LPAR1: variants seen among roughly 807,000 people sequenced by gnomAD.
The protein encoded by LPAR1 is LPA receptor 1.
Under a neutral mutation model 23.8 loss-of-function variants are expected in LPAR1, and 5 were observed. The observed-to-expected ratio is 0.21, with a 90% CI of 0.11 to 0.44. The LOEUF (loss-of-function observed/expected upper bound fraction) is 0.44, where lower values mean the gene tolerates loss of function less well. LPAR1 is among the 20% of genes least tolerant of loss of function. The probability of loss-of-function intolerance (pLI) is 0.99; values close to 1 mark genes in which losing one functional copy is unlikely to be tolerated. For missense variants in LPAR1, 311 were observed against 482.8 expected (o/e 0.64, Z 3.33); for synonymous variants, 160 against 164.7 (o/e 0.97, Z 0.22).
chr9:110,999,518 A>G (rs2097089864), intron 2 of LPAR1: 1 of 442,154 alleles, frequency 2.3e-6, no homozygotes, highest in African/African-American at 2.0e-5. Flanking sequence ...GCTGCTATGA[A>G]AGCTACCACA....
chr9:110,927,115 C>G (rs1011597549), intron 5 of LPAR1, among the ~76,000 whole-genome samples: 1 of 152,114 alleles, frequency 6.6e-6, no homozygotes, highest in Admixed American at 6.6e-5. Context: ...AAGAAGTTGT[C>G]GTAAAGGTTA....
intron 2 of LPAR1, among the ~76,000 whole-genome samples, chr9:111,013,663 C>G (rs999829279): frequency 6.6e-6 from 1 of 152,044 alleles, no homozygotes; most frequent in Non-Finnish European, 1.5e-5. Flanking sequence ...TCAGATTGCT[C>G]TATTCTGATT....
At chr9:110,878,075 C>T (rs1238482341) in intron 5 of LPAR1, among the ~76,000 whole-genome samples, 1 of 152,184 alleles carries the variant, frequency 6.6e-6, no homozygotes, top group African/African-American at 2.4e-5. Context: ...TGTATGGATG[C>T]TTCATTGAGG....
intron 2 of LPAR1, among the ~76,000 whole-genome samples, chr9:111,027,238 C>T (rs974559016): frequency 1.3e-5 from 2 of 152,072 alleles, no homozygotes; most frequent in African/African-American, 2.4e-5. Flanking sequence ...CCAGGTGCGG[C>T]GTTCATGCCT....
intron 2 of LPAR1, among the ~76,000 whole-genome samples, chr9:111,009,587 G>A (rs2097287860): frequency 6.6e-6 from 1 of 151,986 alleles, no homozygotes; most frequent in African/African-American, 2.4e-5. Context: ...AAATATTTCA[G>A]TCCATTTTTT....
chr9:110,921,760 G>C (rs2093643669), intron 5 of LPAR1, among the ~76,000 whole-genome samples: 1 of 152,178 alleles, frequency 6.6e-6, no homozygotes, highest in South Asian at 2.1e-4. Flanking sequence ...TAGGAGACCT[G>C]ATGTGGAGGA....
intron 5 of LPAR1, among the ~76,000 whole-genome samples, chr9:110,912,566 T>C (rs1054949505): frequency 2.0e-5 from 3 of 152,196 alleles, no homozygotes; most frequent in Non-Finnish European, 2.9e-5. Flanking sequence ...TTTCAGACAT[T>C]CGTCATTCTG....
At chr9:110,877,962 GA>G (rs2079561942) in intron 5 of LPAR1, among the ~76,000 whole-genome samples, 1 of 152,062 alleles carries the variant, frequency 6.6e-6, no homozygotes, top group African/African-American at 2.4e-5. Flanking sequence ...GATCTTTCCA[GA>G]AAGAGCCCAT....
intron 4 of LPAR1, among the ~76,000 whole-genome samples, chr9:110,965,207 G>A (rs977068758): frequency 6.6e-6 from 1 of 151,982 alleles, no homozygotes; most frequent in African/African-American, 2.4e-5. Context: ...AGAATTGGAG[G>A]AACAATCTCT....
intron 2 of LPAR1, among the ~76,000 whole-genome samples, chr9:111,023,794 T>C (rs2097617199): frequency 6.6e-6 from 1 of 152,168 alleles, no homozygotes; most frequent in African/African-American, 2.4e-5. Flanking sequence ...GAACAAATTA[T>C]CATAGGAAAA....
intron 2 of LPAR1, among the ~76,000 whole-genome samples, chr9:110,996,388 C>T (rs2097005623): frequency 6.6e-6 from 1 of 151,972 alleles, no homozygotes; most frequent in Non-Finnish European, 1.5e-5. Flanking sequence ...AAGATGCCAT[C>T]TCTACTTAAA....
chr9:110,980,234 T>C (rs182447821), intron 2 of LPAR1, among the ~76,000 whole-genome samples: 1 of 152,134 alleles, frequency 6.6e-6, no homozygotes, highest in East Asian at 1.9e-4. Flanking sequence ...ATAAAAACCT[T>C]AGAATTCCAC....
intron 4 of LPAR1, among the ~76,000 whole-genome samples, chr9:110,944,941 G>C (rs998995677): frequency 6.6e-6 from 1 of 152,108 alleles, no homozygotes; most frequent in Admixed American, 6.5e-5. Flanking sequence ...TTCTGGATAA[G>C]AACGCTATAT....
chr9:110,966,178 G>T (rs780971085), intron 4 of LPAR1, among the ~76,000 whole-genome samples: 1 of 151,890 alleles, frequency 6.6e-6, no homozygotes, highest in South Asian at 2.1e-4. Context: ...TATTGTATGC[G>T]GGCTTAAAAC....
chr9:110,953,208 C>T (rs2095624997), intron 4 of LPAR1, among the ~76,000 whole-genome samples: 1 of 152,128 alleles, frequency 6.6e-6, no homozygotes, highest in African/African-American at 2.4e-5. Context: ...AATCAGCCTG[C>T]CTGGACCTCT....
intron 2 of LPAR1, among the ~76,000 whole-genome samples, chr9:110,974,660 A>T (rs542120120): frequency 1.3e-5 from 2 of 152,312 alleles, no homozygotes; most frequent in South Asian, 4.1e-4. Context: ...TTATCTTGTC[A>T]TGACATTCAA....
chr9:110,943,804 G>A (rs1197464179), intron 4 of LPAR1, among the ~76,000 whole-genome samples: 3 of 148,674 alleles, frequency 2.0e-5, no homozygotes, highest in Non-Finnish European at 3.0e-5. Context: ...AGGTTGCAGT[G>A]AGCCAAGATC....
At chr9:110,914,730 A>T (rs1219289416) in intron 5 of LPAR1, among the ~76,000 whole-genome samples, 1 of 152,204 alleles carries the variant, frequency 6.6e-6, no homozygotes, top group Non-Finnish European at 1.5e-5. Flanking sequence ...CAGTATGCAG[A>T]GACAGGCCTC....
intron 5 of LPAR1, among the ~76,000 whole-genome samples, chr9:110,931,637 G>C (rs369101961): frequency 2.6e-5 from 4 of 152,150 alleles, no homozygotes; most frequent in African/African-American, 4.8e-5. Flanking sequence ...TTTTCTTCTA[G>C]GGTTTTTATG....
Sources: gnomAD v4.1 joint callset for allele counts (sites outside exome capture counted in the v4.1 genomes callset) on GRCh38, gnomAD v4.1.1 for gene constraint, MANE v1.5 for transcripts, NCBI Gene and HGNC (gene_info 2026-07-23, HGNC 2026-07-21) for gene names.